SLC4A9: variants seen among roughly 807,000 people sequenced by gnomAD.
The protein encoded by SLC4A9 is solute carrier family 4 member 9.
A neutral mutation model predicts 103.2 loss-of-function variants in SLC4A9; 102 were observed. The ratio of observed to expected loss-of-function variants is 0.99; its 90% CI spans 0.84 to 1.17. The LOEUF is 1.17. Among genes scored for constraint, SLC4A9 ranks in the 50% most tolerant of loss-of-function variants. SLC4A9 has a pLI of 0.00. For synonymous variants in SLC4A9, 453 were observed against 483.6 expected (o/e 0.94, Z 0.83); for missense variants, 1,091 against 1,193.7 (o/e 0.91, Z 1.27).
At position 140,367,473 on chromosome 5, in the gene SLC4A9, G is replaced by C; in HGVS notation, c.2067G>C (p.Trp689Cys). Reference sequence around the variant, plus strand: ...TGTCACCTTTTGGAGCCAACCCCTGGTGGTGGAGTGTGGCAGCTGCCCTGC... The same window carrying C: ...TGTCACCTTTTGGAGCCAACCCCTGCTGGTGGAGTGTGGCAGCTGCCCTGC... ...WLVSPFGANP[W>C]WWSVAAALPA... Residue 689 changes from tryptophan (W) to cysteine (C), a missense_variant, in exon 15 of 22, where the codon TGG (tryptophan) becomes TGC (cysteine). Transcript: ENST00000506757. 1 of 1,608,464 alleles carries C rather than the reference G, an allele frequency of 6.2e-7. No homozygotes were observed. Among genetic ancestry groups the C allele is most frequent in the Non-Finnish European group, 8.5e-7 (1 of 1,177,806 alleles).
Position 140,360,279 on chromosome 5 carries a change from A to G in SLC4A9, c.43A>G (p.Ser15Gly). 6.2e-7 allele frequency: 1 copy of G among 1,612,400 alleles called. No homozygotes were observed. Among genetic ancestry groups the G allele is most frequent in the Non-Finnish European group, 8.5e-7 (1 of 1,179,248 alleles). ...LPGQEGFEAS[S>G]APRNIPSGEL... ...AGGCCAGGAAGGGTTTGAAGCCTCC[A>G]GTGCTCCTAGAAATATTCCTTCAGG... The change falls in exon 1 of 22, where the codon AGT (serine) becomes GGT (glycine). Residue 15 changes from serine (S) to glycine (G), a missense_variant. By Grantham distance (56) the Ser-to-Gly change is moderately conservative. Coordinates refer to ENST00000506757, the MANE Select transcript of SLC4A9 (RefSeq NM_031467.3).
In SLC4A9 at chr5:140,367,729, G is replaced by A. The variant is rs1768103778; in HGVS notation, c.2185G>A (p.Gly729Ser). Residue 729 changes from glycine (G) to serine (S), a missense_variant, in exon 16 of 22, where the codon GGC becomes AGC. Physicochemically the swap from Gly to Ser is moderately conservative, Grantham distance 56. Transcript: ENST00000506757. ...RMEYRLQKGA[G>S]FHLDLFCVAV... ...CCACCACTACCTGCAGAAGGGAGCT[G>A]GCTTCCACCTGGACCTCTTCTGTGT... 2 of 1,613,852 alleles carry A rather than the reference G, an allele frequency of 1.2e-6. No homozygotes were observed. Among genetic ancestry groups the A allele is most frequent in the East Asian group, 2.2e-5 (1 of 44,886 alleles).
intron 21 of SLC4A9, among the ~76,000 whole-genome samples, chr5:140,374,602 A>G (rs557785155): frequency 6.6e-6 from 1 of 150,920 alleles, no homozygotes; most frequent in African/African-American, 2.4e-5. Context: ...GACACTTGCA[A>G]TGGGAAATTT....
At chr5:140,370,234 C>T (rs1044246119) in intron 17 of SLC4A9, among the ~76,000 whole-genome samples, 12 of 151,760 alleles carry the variant, frequency 7.9e-5, no homozygotes, top group African/African-American at 2.7e-4. Context: ...GAGGCTGAGG[C>T]GGGTGGATCA....
intron 16 of SLC4A9, among the ~76,000 whole-genome samples, chr5:140,368,130 T>C (rs949767071): frequency 2.6e-5 from 4 of 151,904 alleles, no homozygotes; most frequent in African/African-American, 9.7e-5. Flanking sequence ...CATGCAAAGG[T>C]AGAGGCAGCC....
At chr5:140,373,061 A>T (rs943989667) in intron 21 of SLC4A9, among the ~76,000 whole-genome samples, 1 of 152,206 alleles carries the variant, frequency 6.6e-6, no homozygotes, top group African/African-American at 2.4e-5. Flanking sequence ...AAGTTTGGTC[A>T]GTAGAGGGAG....
rs1291382315 is a variant in SLC4A9 at position 140,367,791 on chromosome 5, G to T, written c.2247G>T (p.Leu749=). The T allele has an allele frequency of 6.2e-6, 10 of 1,613,890 alleles. No individual in the cohort carries two copies. Among genetic ancestry groups the T allele is most frequent in the East Asian group, 2.2e-5 (1 of 44,894 alleles). The change falls in exon 16 of 22, where the codon CTG becomes CTT. Residue 749 remains leucine, a synonymous_variant. Coordinates refer to ENST00000506757, the MANE Select transcript of SLC4A9 (RefSeq NM_031467.3). ...TGCTACTCACATCAGCGCTTGGACT[G>T]CCTTGGTATGTCTCAGCCACTGTCA... The part of the protein sequence containing the change: ...VLMLLTSALG[L]PWYVSATVIS...
chr5:140,366,467 C>T (rs936138684), intron 14 of SLC4A9, among the ~76,000 whole-genome samples: 1 of 152,148 alleles, frequency 6.6e-6, no homozygotes, highest in Non-Finnish European at 1.5e-5. Context: ...AGAGAATACA[C>T]GGTAGCTATT....
chr5:140,366,603 T>C (rs1033515137), intron 14 of SLC4A9, among the ~76,000 whole-genome samples: 1 of 152,206 alleles, frequency 6.6e-6, no homozygotes, highest in African/African-American at 2.4e-5. Context: ...AATTTCTTCG[T>C]CTATAAAATG....
chr5:140,364,043 T>C lies in SLC4A9; in HGVS notation c.1255-11T>C, dbSNP rs765605058. The C allele has an allele frequency of 4.6e-6, 7 of 1,527,530 alleles. No homozygotes were observed. Among genetic ancestry groups the C allele is most frequent in the African/African-American group, 1.4e-5 (1 of 72,132 alleles). The allele number at this position is 1,527,530 out of a possible 1,614,324, so 94.6% of individuals were successfully genotyped here. A position where few individuals can be genotyped will look rare whatever the true frequency, so the allele number is the denominator to read the frequency against. On this transcript the variant is annotated splice_polypyrimidine_tract_variant and intron_variant, in intron 9 of 21. Coordinates refer to ENST00000506757, the MANE Select transcript of SLC4A9 (RefSeq NM_031467.3). Reference sequence around the variant, plus strand: ...TTCAGGGTCCTGTGCTGAGCCCCTGTTGGCTTCCAGGGAGTGCTGGAAAGT... The same window carrying C: ...TTCAGGGTCCTGTGCTGAGCCCCTGCTGGCTTCCAGGGAGTGCTGGAAAGT...
In SLC4A9 at chr5:140,367,902, A is replaced by C. The variant is rs1027514269; in HGVS notation, c.2354+4A>C. ...GCCCCAACTTCCTGGGTATCAGGTG[A>C]GGGCGGTATTTAGGAAGTGGAGTAA... On this transcript the variant is annotated splice_donor_region_variant and intron_variant, in intron 16 of 21. Coordinates refer to ENST00000506757, the MANE Select transcript of SLC4A9 (RefSeq NM_031467.3). The C allele has an allele frequency of 6.2e-7, 1 of 1,613,524 alleles. No individual in the cohort carries two copies. The highest frequency in any genetic ancestry group is 8.5e-7 in the Non-Finnish European group (1 of 1,179,708).
rs1561585747 is a variant in SLC4A9, at chr5:140,363,931, G to A, written c.1254+29G>A. On this transcript the variant is annotated intron_variant, in intron 9 of 21. Transcript: ENST00000506757. The surrounding 1 kb of genome is among the most constrained non-coding windows in gnomAD (Gnocchi z 4.5). ...GGTAGGGCCCAGGGGGCAGGCACAAGCGTTGGTGTCCCCTAGTCCATCCCT... is the reference window on the plus strand; with the variant it reads ...GGTAGGGCCCAGGGGGCAGGCACAAACGTTGGTGTCCCCTAGTCCATCCCT... The A allele has an allele frequency of 6.2e-7, 1 of 1,609,514 alleles. No individual in the cohort carries two copies. Among genetic ancestry groups the A allele is most frequent in the African/African-American group, 1.3e-5 (1 of 75,014 alleles).
At chr5:140,374,475 G>A (rs377628234) in intron 21 of SLC4A9, among the ~76,000 whole-genome samples, 3 of 149,980 alleles carry the variant, frequency 2.0e-5, no homozygotes, top group Admixed American at 6.7e-5. Flanking sequence ...GCCTGAACCC[G>A]GGAGGCGGAG....
chr5:140,371,285 C>A, intron 18 of SLC4A9, 122 bp downstream of exon 18: 1 of 1,391,108 alleles, frequency 7.2e-7, no homozygotes, highest in Non-Finnish European at 1.0e-6. Flanking sequence ...CCTGCTTACA[C>A]TTGCCAATTT....
intron 20 of SLC4A9, 22 bp downstream of exon 20, chr5:140,372,419 C>A (rs1427005663): frequency 6.2e-7 from 1 of 1,604,410 alleles, no homozygotes; most frequent in South Asian, 1.1e-5. Context: ...GCTGGGTCCT[C>A]TCAGGAGAAT....
In SLC4A9 at chr5:140,364,082, C is replaced by T. The variant is rs572442883; in HGVS notation, c.1283C>T (p.Ala428Val). 1.9e-6 allele frequency: 3 copies of T among 1,573,030 alleles called. No individual in the cohort carries two copies. The East Asian group carries it at 6.7e-5, about 35-fold the overall frequency. The change falls in exon 10 of 22, where the codon GCA (alanine) becomes GTA (valine). Residue 428 changes from alanine (A) to valine (V), a missense_variant. Coordinates refer to ENST00000506757, the MANE Select transcript of SLC4A9 (RefSeq NM_031467.3). ...GTGCTGGAAAGTTTCCTGGGCACAG[C>T]AGTGGCTGGAGCTGCCTTCTGCCTG... ...QGVLESFLGT[A>V]VAGAAFCLMA... is the part of the protein sequence containing the mutation.
intron 6 of SLC4A9, 30 bp downstream of exon 6, chr5:140,362,562 G>GCGCA (rs1561577209): frequency 1.3e-6 from 2 of 1,594,632 alleles, no homozygotes; most frequent in Non-Finnish European, 1.7e-6. Flanking sequence ...GTGTGTGCGC[G>GCGCA]CGCACGCGTG....
Position 140,363,377 on chromosome 5 carries a change from C to T in SLC4A9, c.963-62C>T. On this transcript the variant is annotated intron_variant, in intron 7 of 21. Transcript: ENST00000506757. The surrounding 1 kb of genome is among the most constrained non-coding windows in gnomAD (Gnocchi z 4.5). ...GCTAGGGGGCAGGGCGCCACGAGCT[C>T]TGGACCGAGTCGCAGACTGGTTGGA... The T allele has an allele frequency of 2.0e-6, 3 of 1,469,096 alleles. No individual in the cohort carries two copies. The highest frequency in any genetic ancestry group is 2.8e-6 in the Non-Finnish European group (3 of 1,076,158). 91.0% of individuals were successfully genotyped at this position (1,469,096 alleles called of 1,614,324 possible). A position where few individuals can be genotyped will look rare whatever the true frequency, so the allele number is the denominator to read the frequency against.
In SLC4A9 at chr5:140,372,810, G is replaced by T; in HGVS notation, c.*12G>T. On this transcript the variant is annotated 3_prime_UTR_variant, in exon 21 of 22. Transcript: ENST00000506757. ...TTTCTGTGAATTAGCTGGAGTAGGA[G>T]TCTGGGAGTGGAGACCCCAGGAAAC... 6.4e-7 allele frequency: 1 copy of T among 1,557,716 alleles called. No homozygotes were observed. Among genetic ancestry groups the T allele is most frequent in the Non-Finnish European group, 8.7e-7 (1 of 1,150,248 alleles).
Sources: gnomAD v4.1 joint callset for allele counts (sites outside exome capture counted in the v4.1 genomes callset) on GRCh38, gnomAD v4.1.1 for gene constraint, Gnocchi (gnomAD v3.1) non-coding constraint, MANE v1.5 for transcripts, NCBI Gene and HGNC (gene_info 2026-07-23, HGNC 2026-07-21) for gene names.